CXADR: variants seen among roughly 807,000 people sequenced by gnomAD.
The protein encoded by CXADR is coxsackievirus and adenovirus receptor.
A neutral mutation model predicts 40.3 loss-of-function variants in CXADR; 20 were observed. The ratio of observed to expected loss-of-function variants is 0.50; its 90% CI spans 0.35 to 0.72. The LOEUF is 0.72. CXADR is among the 30% of genes least tolerant of loss of function. The pLI, the probability that CXADR is intolerant of heterozygous loss-of-function variation, is 0.01. For synonymous variants in CXADR, 150 were observed against 161.3 expected, an observed-to-expected ratio of 0.93 and a Z score of 0.53; for missense variants, 332 against 449.1, an observed-to-expected ratio of 0.74 and a Z score of 2.36.
chr21:17,552,004 G>A, intron 3 of CXADR, 51 bp downstream of exon 3: 1 of 1,360,738 alleles, frequency 7.3e-7, no homozygotes, highest in Non-Finnish European at 1.0e-6. Flanking sequence ...AGAATGATTA[G>A]TCATAGTACT....
rs1483231665 is a variant in CXADR at position 17,569,381 on chromosome 21, T to C, written c.*3689T>C. 2 of 979,954 alleles carry C rather than the reference T, an allele frequency of 2.0e-6. No individual in the cohort carries two copies. Among genetic ancestry groups the C allele is most frequent in the Non-Finnish European group, 1.2e-6 (1 of 825,884 alleles). The allele number at this position is 979,954 out of a possible 1,614,324, so 60.7% of individuals were successfully genotyped here. A position where few individuals can be genotyped will look rare whatever the true frequency, so the allele number is the denominator to read the frequency against. On this transcript the variant is annotated 3_prime_UTR_variant, in exon 7 of 7. Coordinates refer to ENST00000284878, the MANE Select transcript of CXADR (RefSeq NM_001338.5). Reference sequence around the variant, plus strand: ...ACATTATATATTATATATATATATGTACATATATCTTTATAACATTCCTGT... The same window carrying C: ...ACATTATATATTATATATATATATGCACATATATCTTTATAACATTCCTGT...
At chr21:17,634,140 A>C in the CXADR span, among the ~76,000 whole-genome samples, 1 of 152,338 alleles carries the variant, frequency 6.6e-6, no homozygotes, top group East Asian at 1.9e-4. Context: ...CATAGTCTGG[A>C]ATAACAGAGG....
chr21:17,525,822 G>A (rs2060591929), intron 1 of CXADR, among the ~76,000 whole-genome samples: 1 of 152,168 alleles, frequency 6.6e-6, no homozygotes, highest in Admixed American at 6.5e-5. Context: ...CTCATGTATA[G>A]GAAACAAGTC....
At chr21:17,588,049 T>C (rs1349135414) in intron 7 of CXADR, among the ~76,000 whole-genome samples, 1 of 152,028 alleles carries the variant, frequency 6.6e-6, no homozygotes, top group East Asian at 1.9e-4. Context: ...GTTGTAGATA[T>C]GTGGCGTTAT....
the CXADR span, among the ~76,000 whole-genome samples, chr21:17,618,781 C>T: frequency 2.0e-5 from 3 of 152,220 alleles, no homozygotes; most frequent in Middle Eastern, 3.4e-3. Flanking sequence ...ATGATCCACC[C>T]GCCTTGGCCT....
intron 7 of CXADR, among the ~76,000 whole-genome samples, chr21:17,592,145 A>C (rs1316209314): frequency 1.3e-5 from 2 of 151,894 alleles, no homozygotes; most frequent in African/African-American, 4.8e-5. Context: ...GTAACGTGGA[A>C]TGTTCTGGCT....
chr21:17,590,728 G>T (rs2061429016), intron 7 of CXADR, among the ~76,000 whole-genome samples: 1 of 151,884 alleles, frequency 6.6e-6, no homozygotes, highest in Non-Finnish European at 1.5e-5. Flanking sequence ...CTGTTAAATT[G>T]CCAAGTAACT....
At chr21:17,632,494 G>A in the CXADR span, among the ~76,000 whole-genome samples, 2 of 152,224 alleles carry the variant, frequency 1.3e-5, no homozygotes, top group African/African-American at 4.8e-5. Context: ...GTTAGAACAG[G>A]CTGGTCAAGG....
intron 1 of CXADR, among the ~76,000 whole-genome samples, chr21:17,523,881 CAG>C (rs1162529919): frequency 1.4e-4 from 21 of 151,862 alleles, no homozygotes; most frequent in East Asian, 9.7e-4. Context: ...CTTTTTTAAA[CAG>C]AGTCTTGCTC....
intron 7 of CXADR, among the ~76,000 whole-genome samples, chr21:17,576,207 C>A (rs944744419): frequency 2.0e-5 from 3 of 151,942 alleles, no homozygotes; most frequent in African/African-American, 7.3e-5. Context: ...GCTTAATAGG[C>A]TGTTGGCAGG....
At position 17,565,587 on chromosome 21, in the gene CXADR, G is replaced by C; in HGVS notation, c.993G>C (p.Gln331His). The change falls in exon 7 of 7, where the codon CAG becomes CAC. Residue 331 changes from glutamine to histidine, a missense_variant. Physicochemically the swap from Gln to His is conservative, Grantham distance 24. Coordinates refer to ENST00000284878, the MANE Select transcript of CXADR (RefSeq NM_001338.5). Reference protein sequence around the residue: ...VPSEDFERTPQSPTLPPAKVA... With the variant: ...VPSEDFERTPHSPTLPPAKVA... ...GTGAAGACTTTGAACGCACTCCTCA[G>C]AGTCCGACTCTCCCACCTGCTAAGG... The C allele has an allele frequency of 6.2e-7, 1 of 1,613,368 alleles. No individual in the cohort carries two copies. Among genetic ancestry groups the C allele is most frequent in the East Asian group, 2.2e-5 (1 of 44,876 alleles).
the CXADR span, among the ~76,000 whole-genome samples, chr21:17,629,674 A>G: frequency 3.9e-5 from 6 of 152,180 alleles, no homozygotes; most frequent in Non-Finnish European, 8.8e-5. Flanking sequence ...TAATTCTATG[A>G]AAACATCAAA....
intron 1 of CXADR, among the ~76,000 whole-genome samples, chr21:17,526,433 A>G (rs1045185205): frequency 1.3e-5 from 2 of 152,176 alleles, no homozygotes; most frequent in Admixed American, 1.3e-4. Context: ...TCCTTATTCC[A>G]TAGTTAAAGC....
chr21:17,566,061 G>T lies in CXADR; in HGVS notation c.*369G>T. The T allele has an allele frequency of 3.0e-6, 3 of 992,270 alleles. No individual in the cohort carries two copies. The highest frequency in any genetic ancestry group is 2.4e-6 in the Non-Finnish European group (2 of 834,536). 61.5% of individuals were successfully genotyped at this position (992,270 alleles called of 1,614,324 possible). A position where few individuals can be genotyped will look rare whatever the true frequency, so the allele number is the denominator to read the frequency against. On this transcript the variant is annotated 3_prime_UTR_variant, in exon 7 of 7. Transcript: ENST00000284878. ...ATACTTGAATAACCATCTGAAAGTGGTACTTGATCATTTTTACCATTATTT... is the reference window on the plus strand; with the variant it reads ...ATACTTGAATAACCATCTGAAAGTGTTACTTGATCATTTTTACCATTATTT...
chr21:17,513,188 G>T lies in CXADR; in HGVS notation c.43+16G>T. On this transcript the variant is annotated intron_variant, in intron 1 of 6. Transcript: ENST00000284878. ...GGAGTAGTGGGTGAGTAGGGGCCAT[G>T]GGGTCCTCAGCACCCGCCCAGCCCG... The T allele has an allele frequency of 7.3e-7, 1 of 1,362,344 alleles. No homozygotes were observed. The highest frequency in any genetic ancestry group is 3.0e-5 in the East Asian group (1 of 32,846). 84.4% of individuals were successfully genotyped at this position (1,362,344 alleles called of 1,614,324 possible).
intron 1 of CXADR, among the ~76,000 whole-genome samples, chr21:17,521,584 A>G (rs1243850855): frequency 6.6e-6 from 1 of 152,144 alleles, no homozygotes; most frequent in African/African-American, 2.4e-5. Flanking sequence ...TGGCTTCCCA[A>G]AGTGCTGGGA....
chr21:17,589,775 GTAGA>G (rs372708714), intron 7 of CXADR, among the ~76,000 whole-genome samples: 1 of 152,124 alleles, frequency 6.6e-6, no homozygotes, highest in East Asian at 1.9e-4. Context: ...GAGTACTTCT[GTAGA>G]TAAATTTCTA....
At chr21:17,534,736 A>G (rs2060731445) in intron 1 of CXADR, among the ~76,000 whole-genome samples, 4 of 150,636 alleles carry the variant, frequency 2.7e-5, no homozygotes, top group Admixed American at 2.0e-4. Flanking sequence ...CTCTAAATCT[A>G]CTTATAAATC....
chr21:17,558,777 G>A (rs2061068803), intron 3 of CXADR, among the ~76,000 whole-genome samples, 199 bp from the exon 4 acceptor site: 1 of 152,124 alleles, frequency 6.6e-6, no homozygotes, highest in African/African-American at 2.4e-5. Context: ...GTGGCTGCTT[G>A]TCTGAGCTTA....
Sources: allele counts gnomAD v4.1 joint callset (sites outside exome capture counted in the v4.1 genomes callset), GRCh38; gene constraint gnomAD v4.1.1; transcripts MANE v1.5; gene names NCBI Gene and HGNC (gene_info 2026-07-23, HGNC 2026-07-21).